The following ZCCHC2 variants were observed in gnomAD, a reference collection of about 807,000 sequenced individuals.
ZCCHC2 encodes zinc finger CCHC domain-containing protein 2.
A neutral mutation model predicts 103.6 loss-of-function variants in ZCCHC2; 39 were observed. The observed-to-expected ratio is 0.38, with a 90% CI of 0.29 to 0.49. The LOEUF (loss-of-function observed/expected upper bound fraction) is 0.49. ZCCHC2 is among the 20% of genes least tolerant of loss of function. The pLI is 0.96. For synonymous variants in ZCCHC2, 687 were observed against 608.9 expected (o/e 1.13, Z -1.89); for missense variants, 1,483 against 1,491.0 (o/e 0.99, Z 0.09).
Position 62,556,189 on chromosome 18 carries a change from CT to C in ZCCHC2, c.1314-9del, listed in dbSNP as rs1396516317. On this transcript the variant is annotated splice_polypyrimidine_tract_variant and intron_variant, in intron 5 of 13. Transcript: ENST00000269499. Reference sequence around the variant, plus strand: ...TACCTGAAATTAACAAATCTCTTTTCTTTTTATGTGCAGGCAGCTATTTTCA... The same window carrying C: ...TACCTGAAATTAACAAATCTCTTTTCTTTTATGTGCAGGCAGCTATTTTCA... The C allele has an allele frequency of 5.7e-6, 9 of 1,575,142 alleles. No homozygotes were observed. In the East Asian group the frequency reaches 1.6e-4, roughly 28 times the overall value.
At chr18:62,553,744 T>C (rs891249421) in intron 5 of ZCCHC2, among the ~76,000 whole-genome samples, 1 of 152,236 alleles carries the variant, frequency 6.6e-6, no homozygotes, top group Admixed American at 6.5e-5. Context: ...ATTGCTCTTC[T>C]TTGCCCATCT....
At chr18:62,580,559 A>AGCGCTGTGGAAGGCCAGGTG (rs1917017684), downstream of ZCCHC2, among the ~76,000 whole-genome samples, 1 of 133,004 alleles carries the variant, frequency 7.5e-6, no homozygotes, top group Non-Finnish European at 1.6e-5. Flanking sequence ...ACGGTGTCAC[A>AGCGCTGTGGAAGGCCAGGTG]GTGCTGTGGA....
At chr18:62,537,291 A>G (rs2145492937) in intron 1 of ZCCHC2, among the ~76,000 whole-genome samples, 1 of 152,088 alleles carries the variant, frequency 6.6e-6, no homozygotes, top group Non-Finnish European at 1.5e-5. Flanking sequence ...CAGTCCTCCC[A>G]TCTAACGAGG....
In ZCCHC2 at chr18:62,574,732, A is replaced by G; in HGVS notation, c.2651A>G (p.Gln884Arg). The G allele has an allele frequency of 1.2e-6, 2 of 1,614,014 alleles. No individual in the cohort carries two copies. The highest frequency in any genetic ancestry group is 1.7e-6 in the Non-Finnish European group (2 of 1,179,886). ...QVVGLNQMVP[Q>R]IEGNTGTVPQ... ...GTAGGACTCAATCAAATGGTGCCTC[A>G]AATTGAGGGAAACACAGGGACAGTC... The change falls in exon 13 of 14, where the codon CAA (glutamine) becomes CGA (arginine). Residue 884 changes from glutamine (Q) to arginine (R), a missense_variant. Physicochemically the swap from Gln to Arg is conservative, Grantham distance 43. Transcript: ENST00000269499.
intron 5 of ZCCHC2, chr18:62,552,622 G>A (rs745804568): frequency 1.3e-5 from 2 of 152,102 alleles, no homozygotes; most frequent in Non-Finnish European, 2.9e-5. Context: ...TAAGTGGCTG[G>A]GCATGGTGGG....
At chr18:62,526,820 C>T (rs924129062) in intron 1 of ZCCHC2, 1 of 151,624 alleles carries the variant, frequency 6.6e-6, no homozygotes, top group Non-Finnish European at 1.5e-5. Flanking sequence ...ATGGCGGCCG[C>T]GCGCGCCTCC....
chr18:62,532,376 C>T (rs1057453825), intron 1 of ZCCHC2, among the ~76,000 whole-genome samples: 4 of 152,218 alleles, frequency 2.6e-5, no homozygotes, highest in Admixed American at 1.3e-4. Context: ...TGGGACTTTA[C>T]GCCAAGACTT....
intron 11 of ZCCHC2, among the ~76,000 whole-genome samples, chr18:62,568,231 A>G (rs1916454221): frequency 6.6e-6 from 1 of 152,132 alleles, no homozygotes; most frequent in African/African-American, 2.4e-5. Flanking sequence ...ATAGTGGTTT[A>G]TGTTTTACTT....
At chr18:62,579,573 C>T (rs1376689666), downstream of ZCCHC2, among the ~76,000 whole-genome samples, 2 of 152,120 alleles carry the variant, frequency 1.3e-5, no homozygotes, top group African/African-American at 2.4e-5. Flanking sequence ...CACCAACTTT[C>T]GTTTTCAGCC....
intron 5 of ZCCHC2, chr18:62,552,250 GGA>G (rs1167161419): frequency 1.1e-4 from 17 of 152,342 alleles, no homozygotes; most frequent in African/African-American, 4.1e-4. Context: ...TGGTCTGGAA[GGA>G]TCAGAAGATG....
downstream of ZCCHC2, among the ~76,000 whole-genome samples, chr18:62,582,924 C>T (rs776157577): frequency 3.3e-5 from 5 of 151,946 alleles, no homozygotes; most frequent in South Asian, 2.1e-4. Context: ...GGCAACATGA[C>T]GAAACCCCAT....
At chr18:62,532,356 C>G (rs183912388) in intron 1 of ZCCHC2, among the ~76,000 whole-genome samples, 2 of 152,222 alleles carry the variant, frequency 1.3e-5, no homozygotes, top group African/African-American at 4.8e-5. Context: ...TGCCTGACAC[C>G]GTTCTCTGTT....
intron 1 of ZCCHC2, among the ~76,000 whole-genome samples, chr18:62,531,827 G>T (rs1447993559): frequency 1.3e-5 from 2 of 151,182 alleles, no homozygotes; most frequent in African/African-American, 4.9e-5. Context: ...TTAGCTGGGT[G>T]TGGAGGCAAG....
chr18:62,524,817 C>CT (rs1205201899), intron 1 of ZCCHC2: 1 of 164,406 alleles, frequency 6.1e-6, no homozygotes. Context: ...GGGGCTCCGC[C>CT]TCCCGTCTCC....
intron 12 of ZCCHC2, among the ~76,000 whole-genome samples, chr18:62,571,717 A>G (rs1481312876): frequency 6.6e-6 from 1 of 152,192 alleles, no homozygotes; most frequent in Admixed American, 6.5e-5. Flanking sequence ...GGCAGCATCA[A>G]GTTACTTCTC....
chr18:62,564,770 A>G, intron 10 of ZCCHC2, 135 bp downstream of exon 10: 2 of 782,126 alleles, frequency 2.6e-6, no homozygotes, highest in Non-Finnish European at 3.9e-6. Context: ...CTTTTGGTTC[A>G]AAATATTAAT....
chr18:62,532,495 C>T (rs1914728830), intron 1 of ZCCHC2, among the ~76,000 whole-genome samples: 1 of 152,232 alleles, frequency 6.6e-6, no homozygotes, highest in African/African-American at 2.4e-5. Context: ...ACTATCTTTT[C>T]TTTGAGTGAC....
At position 62,523,917 on chromosome 18, in the gene ZCCHC2, C is replaced by T. The variant is rs111342680; in HGVS notation, c.493C>T (p.Arg165Ter). The T allele has an allele frequency of 6.5e-7, 1 of 1,533,712 alleles. No homozygotes were observed. The highest frequency in any genetic ancestry group is 8.7e-7 in the Non-Finnish European group (1 of 1,143,418). The change falls in exon 1 of 14, where the codon CGA becomes TGA. Residue 165 changes from arginine (R) to a stop codon, truncating the protein, a stop_gained. Coordinates refer to ENST00000269499, the MANE Select transcript of ZCCHC2 (RefSeq NM_017742.6). LOFTEE classifies it high-confidence loss of function. ...LSDPGPLADF[R>*]EPAVRSRLIV... ...GGACCCGGGGCCGCTGGCCGACTTC[C>T]GAGAGCCCGCGGTGCGCTCGCGCCT...
intron 8 of ZCCHC2, among the ~76,000 whole-genome samples, chr18:62,562,716 T>C (rs944308239): frequency 2.0e-5 from 3 of 152,190 alleles, no homozygotes; most frequent in African/African-American, 7.2e-5. Context: ...AAGATGCAGG[T>C]TGTATAAGCC....
Sources: allele counts gnomAD v4.1 joint callset (sites outside exome capture counted in the v4.1 genomes callset), GRCh38; gene constraint gnomAD v4.1.1; transcripts MANE v1.5; gene names NCBI Gene and HGNC (gene_info 2026-07-23, HGNC 2026-07-21).